FSIP1: variants seen among roughly 807,000 people sequenced by gnomAD.
FSIP1 encodes fibrous sheath-interacting protein 1.
Under a neutral mutation model 60.9 loss-of-function variants are expected in FSIP1, and 65 were observed. The ratio of observed to expected loss-of-function variants is 1.07; its 90% CI spans 0.87 to 1.31. The LOEUF (loss-of-function observed/expected upper bound fraction) is 1.31, where lower values mean the gene tolerates loss of function less well. Among genes scored for constraint, FSIP1 ranks in the 40% most tolerant of loss-of-function variants. The probability of loss-of-function intolerance (pLI) is 0.00; values close to 1 mark genes in which losing one functional copy is unlikely to be tolerated. For synonymous variants in FSIP1, 209 were observed against 221.2 expected (o/e 0.94, Z 0.49); for missense variants, 675 against 665.5 (o/e 1.01, Z -0.16).
intron 9 of FSIP1, among the ~76,000 whole-genome samples, chr15:39,720,704 G>A (rs1048195402): frequency 2.6e-5 from 4 of 152,124 alleles, no homozygotes; most frequent in East Asian, 1.9e-4. Context: ...ATACTTCTAC[G>A]AATAAGAAGT....
chr15:39,746,816 T>C (rs1295073922), intron 5 of FSIP1, among the ~76,000 whole-genome samples: 12 of 144,594 alleles, frequency 8.3e-5, no homozygotes, highest in Non-Finnish European at 1.7e-4. Context: ...GATGGGATTA[T>C]AAAAATAAAG....
At chr15:39,696,870 CTGTG>C (rs67940382) in intron 10 of FSIP1, among the ~76,000 whole-genome samples, 1,394 of 111,688 alleles carry the variant, frequency 0.012, 36 homozygotes, top group African/African-American at 0.039. Context: ...GAAGGGGTGT[CTGTG>C]TGTGTGTGTG....
intron 5 of FSIP1, among the ~76,000 whole-genome samples, chr15:39,756,462 C>G (rs1474022688): frequency 6.6e-6 from 1 of 152,004 alleles, no homozygotes; most frequent in Non-Finnish European, 1.5e-5. Context: ...AACTCGTGGA[C>G]TCAAGCAATC....
intron 10 of FSIP1, among the ~76,000 whole-genome samples, chr15:39,637,617 C>CGAGTGG (rs1892189458): frequency 6.6e-6 from 1 of 152,108 alleles, no homozygotes; most frequent in Admixed American, 6.5e-5. Flanking sequence ...CCATTAGTAC[C>CGAGTGG]GAGTGGGTAT....
chr15:39,637,855 T>A lies in FSIP1; in HGVS notation c.1189-19610A>T, dbSNP rs145720902. Among the ~76,000 whole-genome samples, 265 of 152,270 alleles carry A rather than the reference T, an allele frequency of 1.7e-3. 1 individual carries two copies. Among genetic ancestry groups the A allele is most frequent in the African/African-American group, 6.1e-3 (252 of 41,566 alleles). ...TTCTTGGTATTTTGGGGAAGCATCA[T>A]TACAGAAAAAGAAGATGAATTTTTA... On this transcript the variant is annotated intron_variant, in intron 10 of 11. Coordinates refer to ENST00000350221, the MANE Select transcript of FSIP1 (RefSeq NM_152597.5).
At chr15:39,632,716 CA>C (rs1325758467) in intron 10 of FSIP1, among the ~76,000 whole-genome samples, 8 of 152,080 alleles carry the variant, frequency 5.3e-5, no homozygotes, top group African/African-American at 1.7e-4. Flanking sequence ...TCGCTTGAAC[CA>C]GGGAGTCAGA....
At position 39,625,687 on chromosome 15, in the gene FSIP1, C is replaced by T. The variant is rs1406502858; in HGVS notation, c.1189-7442G>A. Among the ~76,000 whole-genome samples, 3 of 152,230 alleles carry T rather than the reference C, an allele frequency of 2.0e-5. No homozygotes were observed. The East Asian group carries it at 5.8e-4, about 29-fold the overall frequency. ...TCCTTTCCCGAAACAAGTCTGGGGCCCAGCTCTACAGCTGGAGGGGGCCTG... is the reference window on the plus strand; with the variant it reads ...TCCTTTCCCGAAACAAGTCTGGGGCTCAGCTCTACAGCTGGAGGGGGCCTG... On this transcript the variant is annotated intron_variant, in intron 10 of 11. Coordinates refer to ENST00000350221, the MANE Select transcript of FSIP1 (RefSeq NM_152597.5).
At chr15:39,604,227 G>A (rs73391261) in intron 11 of FSIP1, among the ~76,000 whole-genome samples, 12,452 of 152,268 alleles carry the variant, frequency 0.082, 1,721 homozygotes, top group African/African-American at 0.28. Context: ...CACAGTGCCC[G>A]GCTGAGACTC....
intron 10 of FSIP1, among the ~76,000 whole-genome samples, chr15:39,697,821 G>A (rs950931352): frequency 6.6e-6 from 1 of 151,524 alleles, no homozygotes; most frequent in African/African-American, 2.4e-5. Flanking sequence ...TTCATTTCTT[G>A]GCCATCATTT....
chr15:39,722,218 C>A (rs1029638535), intron 9 of FSIP1, among the ~76,000 whole-genome samples: 2 of 151,894 alleles, frequency 1.3e-5, no homozygotes, highest in Admixed American at 6.6e-5. Flanking sequence ...GAATCTAATA[C>A]CTGGTGATCT....
At position 39,726,512 on chromosome 15, in the gene FSIP1, T is replaced by C. The variant is rs1595666912; in HGVS notation, c.1050+77A>G. On this transcript the variant is annotated intron_variant, in intron 9 of 11. Transcript: ENST00000350221. ...TATGATCACTGGAAAAAGCAACTGGTTAACAACCAGATTGTAAAATTATGT... is the reference window on the plus strand; with the variant it reads ...TATGATCACTGGAAAAAGCAACTGGCTAACAACCAGATTGTAAAATTATGT... The C allele has an allele frequency of 2.7e-6, 4 of 1,503,722 alleles. No homozygotes were observed. The East Asian group carries it at 9.0e-5, about 34-fold the overall frequency. 93.1% of individuals were successfully genotyped at this position (1,503,722 alleles called of 1,614,324 possible).
At chr15:39,685,117 G>A (rs948906838) in intron 10 of FSIP1, among the ~76,000 whole-genome samples, 3 of 152,146 alleles carry the variant, frequency 2.0e-5, no homozygotes, top group African/African-American at 7.2e-5. Context: ...CTAAATGACT[G>A]GTGTGCTATC....
chr15:39,604,167 G>T (rs1467295289), intron 11 of FSIP1, among the ~76,000 whole-genome samples: 1 of 152,212 alleles, frequency 6.6e-6, no homozygotes, highest in African/African-American at 2.4e-5. Flanking sequence ...CCAACCTCTG[G>T]TGATCTGCCC....
chr15:39,614,742 T>A (rs183926622), intron 11 of FSIP1, among the ~76,000 whole-genome samples: 17 of 152,096 alleles, frequency 1.1e-4, no homozygotes, highest in Admixed American at 9.2e-4. Context: ...ATAGATTTAA[T>A]GCAATTCCTA....
chr15:39,690,709 A>C (rs1156798703), intron 10 of FSIP1, among the ~76,000 whole-genome samples: 1 of 152,094 alleles, frequency 6.6e-6, no homozygotes, highest in Non-Finnish European at 1.5e-5. Flanking sequence ...GCTGCCACAA[A>C]CCCTGGTGTT....
chr15:39,654,753 A>T (rs1893007306), intron 10 of FSIP1, among the ~76,000 whole-genome samples: 2 of 152,240 alleles, frequency 1.3e-5, no homozygotes, highest in East Asian at 3.8e-4. Context: ...CCTGTGACCC[A>T]ATGGCTCTCA....
At position 39,618,106 on chromosome 15, in the gene FSIP1, T is replaced by C. The variant is rs775207502; in HGVS notation, c.1328A>G (p.Gln443Arg). 1 of 1,614,204 alleles carries C rather than the reference T, an allele frequency of 6.2e-7. No individual in the cohort carries two copies. Among genetic ancestry groups the C allele is most frequent in the Non-Finnish European group, 8.5e-7 (1 of 1,180,032 alleles). Reference sequence around the variant, plus strand: ...TTTAGAGATGATGGACCTGGAAAGCTGGGGGAACACAGGTGTTACGTCCTC... The same window carrying C: ...TTTAGAGATGATGGACCTGGAAAGCCGGGGGAACACAGGTGTTACGTCCTC... Reference protein sequence around the residue: ...DIEDVTPVFPQLSRSIISKLL... With the variant: ...DIEDVTPVFPRLSRSIISKLL... Residue 443 changes from glutamine (Q) to arginine (R), a missense_variant, in exon 11 of 12, where the codon CAG (glutamine) becomes CGG (arginine). Transcript: ENST00000350221.
chr15:39,671,797 C>T (rs766475509), intron 10 of FSIP1, among the ~76,000 whole-genome samples: 4 of 152,210 alleles, frequency 2.6e-5, no homozygotes, highest in Admixed American at 1.3e-4. Flanking sequence ...AATATTCCTG[C>T]TCCAAAGTGA....
At chr15:39,726,873 A>ACAC (rs1555395914) in intron 8 of FSIP1, 126 bp from the exon 9 acceptor site, 2 of 568,668 alleles carry the variant, frequency 3.5e-6, no homozygotes, top group African/African-American at 2.0e-5. Flanking sequence ...ACACACACAC[A>ACAC]ACACACACAA....
Sources: allele counts gnomAD v4.1 joint callset (sites outside exome capture counted in the v4.1 genomes callset), GRCh38; gene constraint gnomAD v4.1.1; transcripts MANE v1.5; gene names NCBI Gene and HGNC (gene_info 2026-07-23, HGNC 2026-07-21).